HOOK3: variants seen among roughly 807,000 people sequenced by gnomAD.
HOOK3 encodes the protein protein Hook homolog 3.
A neutral mutation model predicts 116.3 loss-of-function variants in HOOK3; 24 were observed. The ratio of observed to expected loss-of-function variants is 0.21; its 90% CI spans 0.15 to 0.29. The LOEUF (loss-of-function observed/expected upper bound fraction) is 0.29. Among genes scored for constraint, HOOK3 ranks in the 10% least tolerant of loss-of-function variants. The pLI, the probability that HOOK3 is intolerant of heterozygous loss-of-function variation, is 1.00. For missense variants in HOOK3, 632 were observed against 830.2 expected (o/e 0.76, Z 2.93); for synonymous variants, 275 against 283.0 (o/e 0.97, Z 0.28).
chr8:42,961,320 T>G (rs1361415171), intron 8 of HOOK3, among the ~76,000 whole-genome samples: 2 of 152,236 alleles, frequency 1.3e-5, no homozygotes, highest in Non-Finnish European at 2.9e-5. Flanking sequence ...AATGATTTGT[T>G]TTTACTTATA....
intron 2 of HOOK3, among the ~76,000 whole-genome samples, chr8:42,919,160 G>A (rs945655865): frequency 2.1e-4 from 32 of 151,038 alleles, no homozygotes; most frequent in Admixed American, 1.9e-3. Flanking sequence ...GGCGGCTGCC[G>A]GGCAGAGGGG....
intron 1 of HOOK3, among the ~76,000 whole-genome samples, chr8:42,904,602 C>T (rs1807265956): frequency 6.6e-6 from 1 of 152,148 alleles, no homozygotes; most frequent in African/African-American, 2.4e-5. Flanking sequence ...TGAGCCACCG[C>T]CCCCGGCCAG....
chr8:42,936,299 T>C (rs1807970766), intron 4 of HOOK3, among the ~76,000 whole-genome samples: 6 of 152,200 alleles, frequency 3.9e-5, no homozygotes, highest in Admixed American at 3.9e-4. Flanking sequence ...GCTGAGATGA[T>C]GGGGTTTTCT....
chr8:42,992,347 C>G (rs1432434464), intron 15 of HOOK3, among the ~76,000 whole-genome samples: 3 of 139,700 alleles, frequency 2.1e-5, no homozygotes, highest in Admixed American at 1.6e-4. Context: ...TTGCAGTGAG[C>G]TGAGATCATG....
intron 13 of HOOK3, among the ~76,000 whole-genome samples, chr8:42,975,637 C>T (rs943211974): frequency 5.3e-5 from 8 of 152,196 alleles, no homozygotes; most frequent in East Asian, 1.9e-4. Flanking sequence ...AATTAGATGA[C>T]GCTGCCGTGC....
At chr8:42,981,712 C>T (rs1344129698) in intron 13 of HOOK3, among the ~76,000 whole-genome samples, 2 of 150,880 alleles carry the variant, frequency 1.3e-5, no homozygotes, top group Non-Finnish European at 3.0e-5. Context: ...GGTGAAACCC[C>T]ATCTCTACTA....
At chr8:42,924,405 A>G (rs956730895) in intron 2 of HOOK3, among the ~76,000 whole-genome samples, 12 of 151,758 alleles carry the variant, frequency 7.9e-5, no homozygotes, top group African/African-American at 2.4e-4. Context: ...CTAGGAAAAT[A>G]TAAAGGATAT....
rs146684169 is a variant in HOOK3, at chr8:42,977,550, C to T, written c.1321+3356C>T. On this transcript the variant is annotated intron_variant, in intron 13 of 21. Transcript: ENST00000307602. Reference sequence around the variant, plus strand: ...CAAAACATATTTAGGTTAACTTTATCGTATGCTTTATTTGATTAAAACACT... The same window carrying T: ...CAAAACATATTTAGGTTAACTTTATTGTATGCTTTATTTGATTAAAACACT... Among the ~76,000 whole-genome samples the T allele has an allele frequency of 1.8e-4, 27 of 152,246 alleles. No homozygotes were observed. The East Asian group carries it at 4.0e-3, about 23-fold the overall frequency.
chr8:42,939,871 C>A (rs1258422293), intron 4 of HOOK3, among the ~76,000 whole-genome samples: 2 of 150,942 alleles, frequency 1.3e-5, no homozygotes, highest in Non-Finnish European at 3.0e-5. Flanking sequence ...GCGCTCCCCA[C>A]ATCTCAGACG....
Position 43,024,696 on chromosome 8 carries a change from C to T in HOOK3, c.*6198C>T, listed in dbSNP as rs938898482. Reference sequence around the variant, plus strand: ...ATTTAAATAATAATTGGTGTATGTTCCTTTTGTTGAAAATGTTTTATTGTC... The same window carrying T: ...ATTTAAATAATAATTGGTGTATGTTTCTTTTGTTGAAAATGTTTTATTGTC... On this transcript the variant is annotated 3_prime_UTR_variant, in exon 22 of 22. Coordinates refer to ENST00000307602, the MANE Select transcript of HOOK3 (RefSeq NM_032410.4). 4 of 191,502 alleles carry T rather than the reference C, an allele frequency of 2.1e-5. No homozygotes were observed. Among genetic ancestry groups the T allele is most frequent in the African/African-American group, 9.3e-5 (4 of 43,114 alleles). The allele number at this position is 191,502 out of a possible 1,614,324, so 11.9% of individuals were successfully genotyped here.
Position 43,018,857 on chromosome 8 carries a change from AT to A in HOOK3, c.*361del, listed in dbSNP as rs1159073260. ...AATTGATATACAATTTATATTCTTT[AT>A]TGTGCCTGTGTGTTACCATGCTAAG... On this transcript the variant is annotated 3_prime_UTR_variant, in exon 22 of 22. Coordinates refer to ENST00000307602, the MANE Select transcript of HOOK3 (RefSeq NM_032410.4). 1 of 238,418 alleles carries A rather than the reference AT, an allele frequency of 4.2e-6. No individual in the cohort carries two copies. Among genetic ancestry groups the A allele is most frequent in the African/African-American group, 2.2e-5 (1 of 45,418 alleles). 14.8% of individuals were successfully genotyped at this position (238,418 alleles called of 1,614,324 possible). A position where few individuals can be genotyped will look rare whatever the true frequency, so the allele number is the denominator to read the frequency against.
chr8:42,934,332 TATGA>T (rs1478543537), intron 4 of HOOK3, among the ~76,000 whole-genome samples: 1 of 152,188 alleles, frequency 6.6e-6, no homozygotes, highest in Non-Finnish European at 1.5e-5. Flanking sequence ...TCTTCTTGCT[TATGA>T]ATATGTTTCT....
intron 21 of HOOK3, among the ~76,000 whole-genome samples, chr8:43,015,910 G>T (rs1467653644): frequency 1.3e-5 from 2 of 150,364 alleles, no homozygotes; most frequent in Non-Finnish European, 3.0e-5. Context: ...TAGAGACAGG[G>T]TTTCACCATC....
chr8:42,898,246 A>G (rs566303693), intron 1 of HOOK3, among the ~76,000 whole-genome samples: 3 of 152,374 alleles, frequency 2.0e-5, no homozygotes, highest in African/African-American at 7.2e-5. Flanking sequence ...AGGTTTTTAT[A>G]GTTTGGCTAC....
chr8:42,917,549 C>A (rs2130343288), intron 2 of HOOK3, among the ~76,000 whole-genome samples: 1 of 152,278 alleles, frequency 6.6e-6, no homozygotes, highest in Non-Finnish European at 1.5e-5. Flanking sequence ...AAAAGACACT[C>A]CACTCAGGAA....
At chr8:42,949,118 T>C (rs74967001) in intron 5 of HOOK3, among the ~76,000 whole-genome samples, 1 of 152,344 alleles carries the variant, frequency 6.6e-6, no homozygotes, top group African/African-American at 2.4e-5. Context: ...GACAGTTTCA[T>C]GGTAAGACCC....
chr8:43,014,699 C>T (rs1394312245), intron 21 of HOOK3, among the ~76,000 whole-genome samples: 1 of 152,210 alleles, frequency 6.6e-6, no homozygotes, highest in East Asian at 1.9e-4. Context: ...GTTACTGGCA[C>T]AGTACCATTG....
In HOOK3 at chr8:42,958,559, C is replaced by T. The variant is rs1016665138; in HGVS notation, c.532-672C>T. On this transcript the variant is annotated intron_variant, in intron 7 of 21. Transcript: ENST00000307602. ...TTAATCTCAGGAGATGCAAAATTTT[C>T]GTCGTATTCTAACTATTTTCACAAC... 5.8e-5 allele frequency among the ~76,000 whole-genome samples: 8 copies of T among 137,948 alleles called. No individual in the cohort carries two copies. In the East Asian group the frequency reaches 1.3e-3, roughly 22 times the overall value. 90.5% of individuals were successfully genotyped at this position (137,948 alleles called of 152,430 possible).
intron 6 of HOOK3, among the ~76,000 whole-genome samples, chr8:42,952,536 C>T (rs1442060569): frequency 6.6e-6 from 1 of 152,148 alleles, no homozygotes; most frequent in East Asian, 1.9e-4. Flanking sequence ...AGAGGTCAGG[C>T]CGATAACAAA....
Sources: gnomAD v4.1 joint callset for allele counts (sites outside exome capture counted in the v4.1 genomes callset) on GRCh38, gnomAD v4.1.1 for gene constraint, MANE v1.5 for transcripts, NCBI Gene and HGNC (gene_info 2026-07-23, HGNC 2026-07-21) for gene names.